Variants in CCDC7 observed in about 807,000 individuals in gnomAD.
CCDC7 encodes coiled-coil domain-containing protein 7.
CCDC7 carries 183 observed loss-of-function variants against 196.9 expected under a neutral mutation model. That is an observed-to-expected ratio of 0.93 (90% CI 0.82 to 1.05). CCDC7 has a LOEUF of 1.05. Ranked by LOEUF, CCDC7 falls within the 50% of genes least tolerant of loss-of-function variation. CCDC7 has a pLI of 0.00. For missense variants in CCDC7, 1,540 were observed against 1,482.2 expected, an observed-to-expected ratio of 1.04 and a Z score of -0.64; for synonymous variants, 525 against 484.6, an observed-to-expected ratio of 1.08 and a Z score of -1.10.
At chr10:32,763,690 T>C (rs1389119210) in intron 28 of CCDC7, among the ~76,000 whole-genome samples, 3 of 151,710 alleles carry the variant, frequency 2.0e-5, no homozygotes, top group Admixed American at 2.0e-4. Flanking sequence ...TGAATGAACC[T>C]GGAAGACATG....
intron 21 of CCDC7, among the ~76,000 whole-genome samples, chr10:32,683,590 G>T (rs2076107064): frequency 6.6e-6 from 1 of 152,178 alleles, no homozygotes; most frequent in African/African-American, 2.4e-5. Flanking sequence ...TAGCAATATT[G>T]ATTCTTCCTG....
intron 24 of CCDC7, among the ~76,000 whole-genome samples, chr10:32,706,138 T>C (rs1340183675): frequency 6.6e-6 from 1 of 152,062 alleles, no homozygotes; most frequent in Non-Finnish European, 1.5e-5. Flanking sequence ...CACAGTGCAA[T>C]CAAATTAGAA....
intron 21 of CCDC7, among the ~76,000 whole-genome samples, chr10:32,678,143 G>A (rs2075315181): frequency 6.6e-6 from 1 of 151,882 alleles, no homozygotes; most frequent in African/African-American, 2.4e-5. Context: ...TGGTTGTCTA[G>A]CTGTATTCTA....
chr10:32,457,020 A>AATAT (rs3030621), intron 3 of CCDC7, among the ~76,000 whole-genome samples: 53 of 149,826 alleles, frequency 3.5e-4, no homozygotes, highest in Middle Eastern at 3.5e-3. Flanking sequence ...AAATATATAA[A>AATAT]ATATATATAT....
intron 9 of CCDC7, among the ~76,000 whole-genome samples, chr10:32,509,463 G>A (rs948395276): frequency 1.3e-5 from 2 of 150,360 alleles, no homozygotes; most frequent in Non-Finnish European, 2.9e-5. Context: ...TGAAAACATA[G>A]GAAATAAGCT....
intron 3 of CCDC7, among the ~76,000 whole-genome samples, chr10:32,459,106 C>G (rs2035022637): frequency 6.6e-6 from 1 of 151,950 alleles, no homozygotes; most frequent in Non-Finnish European, 1.5e-5. Flanking sequence ...AGTATATAAA[C>G]ATGCCACTGA....
chr10:32,706,142 A>G (rs2079703662), intron 24 of CCDC7, among the ~76,000 whole-genome samples: 3 of 152,168 alleles, frequency 2.0e-5, no homozygotes, highest in Non-Finnish European at 4.4e-5. Context: ...GTGCAATCAA[A>G]TTAGAACTCA....
chr10:32,607,611 T>C lies in CCDC7; in HGVS notation c.1801+23307T>C, dbSNP rs1170807721. ...AGTGGTTTCTGTCCTTGATTCTGTTTATGTGATGTATCATGTTTATTGATT... is the reference window on the plus strand; with the variant it reads ...AGTGGTTTCTGTCCTTGATTCTGTTCATGTGATGTATCATGTTTATTGATT... On this transcript the variant is annotated intron_variant, in intron 18 of 41. Coordinates refer to ENST00000639629, the Ensembl canonical transcript of CCDC7. Among the ~76,000 whole-genome samples, 4 of 152,202 alleles carry C rather than the reference T, an allele frequency of 2.6e-5. No individual in the cohort carries two copies. The South Asian group carries it at 6.2e-4, about 24-fold the overall frequency.
chr10:32,527,452 A>C (rs2048855548), intron 11 of CCDC7, among the ~76,000 whole-genome samples: 3 of 152,182 alleles, frequency 2.0e-5, no homozygotes. Flanking sequence ...TTGGTGTTCC[A>C]ACAGAGGGGA....
At chr10:32,827,133 T>G (rs1298331021) in intron 32 of CCDC7, among the ~76,000 whole-genome samples, 1 of 152,212 alleles carries the variant, frequency 6.6e-6, no homozygotes, top group African/African-American at 2.4e-5. Context: ...CCACTCAGCC[T>G]CTTTCCCCAG....
At chr10:32,483,136 T>G (rs2040308891) in intron 8 of CCDC7, among the ~76,000 whole-genome samples, 1 of 152,222 alleles carries the variant, frequency 6.6e-6, no homozygotes, top group Non-Finnish European at 1.5e-5. Flanking sequence ...GTGTTCCTAT[T>G]TCTCCACATC....
intron 13 of CCDC7, among the ~76,000 whole-genome samples, chr10:32,559,817 A>T (rs1159902600): frequency 6.6e-6 from 1 of 152,248 alleles, no homozygotes; most frequent in Non-Finnish European, 1.5e-5. Flanking sequence ...AGAAAGCTGG[A>T]TGGAGAATGA....
At chr10:32,560,322 C>A (rs1273494814) in intron 13 of CCDC7, among the ~76,000 whole-genome samples, 2 of 145,370 alleles carry the variant, frequency 1.4e-5, no homozygotes, top group African/African-American at 5.1e-5. Flanking sequence ...ATACAGAGAA[C>A]GCCACAAAGA....
chr10:32,848,774 T>A, intron 39 of CCDC7, 56 bp downstream of exon 40: 1 of 1,285,696 alleles, frequency 7.8e-7, no homozygotes, highest in Non-Finnish European at 1.1e-6. Flanking sequence ...AGAATAGTTT[T>A]AAAGTATGCT....
At chr10:32,491,365 A>G (rs75648458) in intron 8 of CCDC7, among the ~76,000 whole-genome samples, 6,293 of 152,164 alleles carry the variant, frequency 0.041, 139 homozygotes, top group Middle Eastern at 0.051. Context: ...TATTACCCCA[A>G]TAGTTCATTG....
chr10:32,792,793 C>G (rs1053186893), intron 29 of CCDC7, among the ~76,000 whole-genome samples: 1 of 152,278 alleles, frequency 6.6e-6, no homozygotes, highest in East Asian at 1.9e-4. Context: ...GAGCAAGACT[C>G]TGTCTCACCT....
chr10:32,834,761 A>G (rs2092471441), intron 32 of CCDC7, 54 bp from the exon 34 acceptor site: 2 of 746,440 alleles, frequency 2.7e-6, no homozygotes. Flanking sequence ...CAGCACGGAC[A>G]TATGTTACAA....
chr10:32,663,543 A>C (rs557621986), intron 20 of CCDC7, among the ~76,000 whole-genome samples: 1 of 152,228 alleles, frequency 6.6e-6, no homozygotes, highest in South Asian at 2.1e-4. Flanking sequence ...ATTACCTTCT[A>C]TAAATCCCTC....
At chr10:32,599,070 G>C (rs1450861123) in intron 18 of CCDC7, among the ~76,000 whole-genome samples, 1 of 152,054 alleles carries the variant, frequency 6.6e-6, no homozygotes, top group Non-Finnish European at 1.5e-5. Flanking sequence ...TCAGTGTTTG[G>C]TTCAGATATT....
Sources: gnomAD v4.1 joint callset for allele counts (sites outside exome capture counted in the v4.1 genomes callset) on GRCh38, gnomAD v4.1.1 for gene constraint, MANE v1.5 for transcripts, NCBI Gene and HGNC (gene_info 2026-07-23, HGNC 2026-07-21) for gene names.